The following EPHA3 variants were observed in gnomAD, a reference collection of about 807,000 sequenced individuals.
EPHA3 encodes the protein EPH receptor A3, also known as ephrin type-A receptor 3.
Under a neutral mutation model 107.1 loss-of-function variants are expected in EPHA3, and 42 were observed. That is an observed-to-expected ratio of 0.39 (90% CI 0.31 to 0.51). The LOEUF is 0.51. Among genes scored for constraint, EPHA3 ranks in the 20% least tolerant of loss-of-function variants. The pLI, the probability that EPHA3 is intolerant of heterozygous loss-of-function variation, is 0.78. For missense variants in EPHA3, 1,183 were observed against 1,211.2 expected (o/e 0.98, Z 0.35); for synonymous variants, 461 against 424.8 (o/e 1.09, Z -1.05).
At chr3:89,258,184 A>G (rs959721208) in intron 3 of EPHA3, among the ~76,000 whole-genome samples, 3 of 152,188 alleles carry the variant, frequency 2.0e-5, no homozygotes, top group African/African-American at 7.2e-5. Context: ...AGATTGTAGG[A>G]CATTCAATAA....
chr3:89,310,609 A>G (rs1706742069), intron 3 of EPHA3, among the ~76,000 whole-genome samples: 1 of 151,952 alleles, frequency 6.6e-6, no homozygotes, highest in African/African-American at 2.4e-5. Flanking sequence ...CAGTCTGTTA[A>G]GTAAGTCTAA....
intron 1 of EPHA3, among the ~76,000 whole-genome samples, chr3:89,118,245 AATT>A (rs1446214464): frequency 6.6e-6 from 1 of 151,964 alleles, no homozygotes; most frequent in African/African-American, 2.4e-5. Context: ...TTCCATGTGT[AATT>A]ATATGTATTT....
intron 11 of EPHA3, among the ~76,000 whole-genome samples, chr3:89,422,771 C>A (rs1161986194): frequency 4.6e-5 from 7 of 151,332 alleles, no homozygotes; most frequent in Non-Finnish European, 1.0e-4. Context: ...TGCTTTGAAA[C>A]ACTAGGTCAA....
chr3:89,459,808 C>T (rs1190426581), intron 15 of EPHA3, among the ~76,000 whole-genome samples: 1 of 152,136 alleles, frequency 6.6e-6, no homozygotes, highest in African/African-American at 2.4e-5. Context: ...CAGGCTTAAG[C>T]CACCACATCC....
intron 13 of EPHA3, among the ~76,000 whole-genome samples, chr3:89,444,981 T>C (rs967793024): frequency 6.6e-6 from 1 of 152,182 alleles, no homozygotes; most frequent in African/African-American, 2.4e-5. Context: ...AGCTAACTCT[T>C]GGCCAGGTGC....
intron 5 of EPHA3, among the ~76,000 whole-genome samples, chr3:89,342,892 CACAA>C (rs1475171561): frequency 9.3e-5 from 14 of 150,758 alleles, no homozygotes; most frequent in Non-Finnish European, 1.6e-4. Context: ...CACACACACA[CACAA>C]ACATTGGAGC....
At chr3:89,440,484 C>G (rs1177388384) in intron 13 of EPHA3, among the ~76,000 whole-genome samples, 1 of 152,188 alleles carries the variant, frequency 6.6e-6, no homozygotes. Flanking sequence ...CCAGAAATTT[C>G]AGCAATTACA....
intron 5 of EPHA3, among the ~76,000 whole-genome samples, chr3:89,375,785 A>G (rs771493990): frequency 6.6e-6 from 1 of 151,956 alleles, no homozygotes; most frequent in Non-Finnish European, 1.5e-5. Context: ...CAAACAAAAT[A>G]GGCCCATTAG....
At chr3:89,432,388 G>GT (rs926432077) in intron 13 of EPHA3, among the ~76,000 whole-genome samples, 6 of 151,878 alleles carry the variant, frequency 4.0e-5, no homozygotes, top group African/African-American at 1.2e-4. Flanking sequence ...TTTTGTGTTT[G>GT]TTTTTTGTTT....
At chr3:89,121,843 G>A (rs904957489) in intron 1 of EPHA3, among the ~76,000 whole-genome samples, 1 of 151,664 alleles carries the variant, frequency 6.6e-6, no homozygotes, top group East Asian at 1.9e-4. Flanking sequence ...GAATATACAA[G>A]CATGGTAGAT....
At chr3:89,237,358 G>A (rs554416725) in intron 3 of EPHA3, among the ~76,000 whole-genome samples, 2 of 152,228 alleles carry the variant, frequency 1.3e-5, no homozygotes, top group South Asian at 4.1e-4. Flanking sequence ...GTGACAAAGC[G>A]AGATTCTGAC....
chr3:89,359,692 T>C (rs1257767635), intron 5 of EPHA3, among the ~76,000 whole-genome samples: 1 of 147,838 alleles, frequency 6.8e-6, no homozygotes, highest in Non-Finnish European at 1.5e-5. Flanking sequence ...TGTGTGTATA[T>C]ACGTTATATA....
At chr3:89,247,839 A>G (rs1705071788) in intron 3 of EPHA3, among the ~76,000 whole-genome samples, 1 of 152,118 alleles carries the variant, frequency 6.6e-6, no homozygotes, top group Admixed American at 6.5e-5. Flanking sequence ...ACACTGCTAA[A>G]AATCTAGAGA....
intron 1 of EPHA3, among the ~76,000 whole-genome samples, chr3:89,121,345 A>T (rs1317307376): frequency 6.6e-6 from 1 of 152,240 alleles, no homozygotes; most frequent in Non-Finnish European, 1.5e-5. Context: ...AATGCTGCTA[A>T]ATTTAACACA....
At chr3:89,266,711 T>C (rs1705546286) in intron 3 of EPHA3, among the ~76,000 whole-genome samples, 1 of 152,142 alleles carries the variant, frequency 6.6e-6, no homozygotes, top group Admixed American at 6.6e-5. Context: ...TCCTTTGATC[T>C]CTATAATTCT....
chr3:89,198,453 A>G (rs755990506), intron 2 of EPHA3, among the ~76,000 whole-genome samples: 2 of 149,510 alleles, frequency 1.3e-5, no homozygotes, highest in Admixed American at 6.7e-5. Flanking sequence ...AGGGTCTTTT[A>G]TCTCTACAGG....
intron 3 of EPHA3, among the ~76,000 whole-genome samples, chr3:89,251,481 G>A (rs1302631200): frequency 6.6e-6 from 1 of 151,988 alleles, no homozygotes. Flanking sequence ...TGAAAGCATA[G>A]TATGTGTTAG....
chr3:89,218,132 T>TTTATTA (rs148902822), intron 3 of EPHA3, among the ~76,000 whole-genome samples: 18 of 151,022 alleles, frequency 1.2e-4, no homozygotes, highest in African/African-American at 2.7e-4. Context: ...CATCTTGGAT[T>TTTATTA]TTATTATTAT....
chr3:89,154,218 G>C (rs1198230763), intron 2 of EPHA3, among the ~76,000 whole-genome samples: 1 of 150,188 alleles, frequency 6.7e-6, no homozygotes, highest in Non-Finnish European at 1.5e-5. Flanking sequence ...CTTTCCTTTT[G>C]AGCAGGAGAA....
Sources: gnomAD v4.1 joint callset for allele counts (sites outside exome capture counted in the v4.1 genomes callset) on GRCh38, gnomAD v4.1.1 for gene constraint, MANE v1.5 for transcripts, NCBI Gene and HGNC (gene_info 2026-07-23, HGNC 2026-07-21) for gene names.